The following DSCAM variants were observed in gnomAD, a reference collection of about 807,000 sequenced individuals.
DSCAM encodes DS cell adhesion molecule, also known as cell adhesion molecule DSCAM.
A neutral mutation model predicts 217.7 loss-of-function variants in DSCAM; 47 were observed. That is an observed-to-expected ratio of 0.22 (90% CI 0.17 to 0.28). The LOEUF (loss-of-function observed/expected upper bound fraction) is 0.28. Among genes scored for constraint, DSCAM ranks in the 10% least tolerant of loss-of-function variants. DSCAM has a pLI of 1.00. For synonymous variants in DSCAM, 1,056 were observed against 1,015.3 expected, an observed-to-expected ratio of 1.04 and a Z score of -0.76; for missense variants, 2,080 against 2,618.3, an observed-to-expected ratio of 0.79 and a Z score of 4.49.
At chr21:40,576,940 A>G (rs2076855716) in intron 3 of DSCAM, among the ~76,000 whole-genome samples, 1 of 151,828 alleles carries the variant, frequency 6.6e-6, no homozygotes, top group Admixed American at 6.6e-5. Flanking sequence ...AGACGAGTAT[A>G]CATATGTAAC....
At chr21:40,742,616 A>G (rs2091135165) in intron 1 of DSCAM, among the ~76,000 whole-genome samples, 1 of 152,262 alleles carries the variant, frequency 6.6e-6, no homozygotes, top group Admixed American at 6.5e-5. Context: ...ACTGATACAT[A>G]TACACAAATA....
chr21:40,162,864 C>G (rs1601398908), intron 16 of DSCAM, among the ~76,000 whole-genome samples: 1 of 152,040 alleles, frequency 6.6e-6, no homozygotes, highest in Non-Finnish European at 1.5e-5. Context: ...AATATTTAAG[C>G]AATTGACCAT....
intron 32 of DSCAM, among the ~76,000 whole-genome samples, chr21:40,020,171 T>A (rs528311422): frequency 6.6e-6 from 1 of 152,272 alleles, no homozygotes; most frequent in Non-Finnish European, 1.5e-5. Flanking sequence ...GTCTGATGGC[T>A]TTATAAGGGG....
intron 3 of DSCAM, among the ~76,000 whole-genome samples, chr21:40,620,794 A>G (rs1047336290): frequency 1.3e-5 from 2 of 152,250 alleles, no homozygotes; most frequent in Non-Finnish European, 2.9e-5. Context: ...AAATCTGTAA[A>G]TGAACGTTTC....
At chr21:40,656,404 CTGT>C (rs142337359) in intron 3 of DSCAM, among the ~76,000 whole-genome samples, 9,639 of 152,072 alleles carry the variant, frequency 0.063, 614 homozygotes, top group East Asian at 0.17. Context: ...TGAGTGAAAG[CTGT>C]TGTTGCTTGC....
intron 3 of DSCAM, among the ~76,000 whole-genome samples, chr21:40,543,635 A>G (rs1018264906): frequency 9.2e-5 from 14 of 152,150 alleles, no homozygotes; most frequent in Non-Finnish European, 1.9e-4. Context: ...AAGGGAAACT[A>G]AGTCCCAGCT....
intron 3 of DSCAM, among the ~76,000 whole-genome samples, chr21:40,680,319 T>C (rs986394310): frequency 3.9e-5 from 6 of 152,120 alleles, no homozygotes; most frequent in African/African-American, 1.4e-4. Context: ...ATGTTCCAAT[T>C]CATGGAGCAC....
chr21:40,353,376 A>T (rs2837574), intron 5 of DSCAM, 89 bp downstream of exon 5: 100 of 1,534,326 alleles, frequency 6.5e-5, no homozygotes, highest in East Asian at 1.4e-4. Context: ...GTTAATGGAA[A>T]GCTACAGAGA....
chr21:40,631,016 T>C (rs1387245076), intron 3 of DSCAM, among the ~76,000 whole-genome samples: 2 of 152,188 alleles, frequency 1.3e-5, no homozygotes, highest in Non-Finnish European at 2.9e-5. Flanking sequence ...TTTTATAAAT[T>C]AGATAACATC....
At chr21:40,261,349 A>C (rs1569029193) in intron 11 of DSCAM, among the ~76,000 whole-genome samples, 1 of 152,188 alleles carries the variant, frequency 6.6e-6, no homozygotes, top group Non-Finnish European at 1.5e-5. Context: ...GGCAAGATTA[A>C]AGCCGAATTG....
chr21:40,748,002 A>T (rs1265776938), intron 1 of DSCAM, among the ~76,000 whole-genome samples: 1 of 152,014 alleles, frequency 6.6e-6, no homozygotes, highest in East Asian at 1.9e-4. Context: ...GCTGAAAAAA[A>T]TTTGATAAAA....
Position 40,242,947 on chromosome 21 carries a change from TCAA to T in DSCAM, c.2356+33147_2356+33149del, listed in dbSNP as rs971235215. Among the ~76,000 whole-genome samples, 20 of 152,310 alleles carry T rather than the reference TCAA, an allele frequency of 1.3e-4. No individual in the cohort carries two copies. The East Asian group carries it at 3.5e-3, about 26-fold the overall frequency. On this transcript the variant is annotated intron_variant, in intron 11 of 32. Coordinates refer to ENST00000400454, the MANE Select transcript of DSCAM (RefSeq NM_001389.5). ...TTCCAGCCACGACCAGGTCCTTCTC[TCAA>T]CAACTTCTGTCCTTGAAGGTGACCC...
At chr21:40,052,578 T>G (rs1352748448) in intron 29 of DSCAM, among the ~76,000 whole-genome samples, 1 of 152,196 alleles carries the variant, frequency 6.6e-6, no homozygotes, top group Non-Finnish European at 1.5e-5. Flanking sequence ...CTACTGAGGT[T>G]TGCTCTCATT....
chr21:40,378,654 C>G (rs1228252621), intron 3 of DSCAM, among the ~76,000 whole-genome samples: 1 of 138,928 alleles, frequency 7.2e-6, no homozygotes, highest in African/African-American at 2.7e-5. Flanking sequence ...TGCAGTGGCG[C>G]GATCTCGGCT....
At chr21:40,789,707 C>T (rs2091623398) in intron 1 of DSCAM, among the ~76,000 whole-genome samples, 1 of 152,076 alleles carries the variant, frequency 6.6e-6, no homozygotes, top group South Asian at 2.1e-4. Context: ...AGGTGCCCAC[C>T]ACCCCGCCCA....
At chr21:40,174,896 G>A (rs775682140) in intron 15 of DSCAM, among the ~76,000 whole-genome samples, 1 of 152,174 alleles carries the variant, frequency 6.6e-6, no homozygotes, top group African/African-American at 2.4e-5. Flanking sequence ...GATGCGGGGA[G>A]GGCACCTCAA....
At chr21:40,746,093 T>C (rs2091171819) in intron 1 of DSCAM, among the ~76,000 whole-genome samples, 2 of 150,176 alleles carry the variant, frequency 1.3e-5, no homozygotes, top group Non-Finnish European at 3.0e-5. Context: ...AACATACTAC[T>C]AGAAAAAAAA....
intron 32 of DSCAM, among the ~76,000 whole-genome samples, chr21:40,026,878 G>T (rs1327027468): frequency 7.3e-4 from 111 of 151,928 alleles, no homozygotes; most frequent in African/African-American, 2.5e-3. Flanking sequence ...CCATTTACAT[G>T]TAAAGTTAAT....
intron 18 of DSCAM, among the ~76,000 whole-genome samples, chr21:40,136,140 G>A (rs193058715): frequency 3.5e-4 from 53 of 152,294 alleles, no homozygotes; most frequent in Non-Finnish European, 4.1e-4. Flanking sequence ...AAATCTCAAC[G>A]GAGGGCTTAC....
Sources: gnomAD v4.1 joint callset for allele counts (sites outside exome capture counted in the v4.1 genomes callset) on GRCh38, gnomAD v4.1.1 for gene constraint, MANE v1.5 for transcripts, NCBI Gene and HGNC (gene_info 2026-07-23, HGNC 2026-07-21) for gene names.